The following MOCS1 variants were observed in gnomAD, a reference collection of about 807,000 sequenced individuals.
MOCS1 encodes molybdenum cofactor biosynthesis protein 1.
In MOCS1, 39 loss-of-function variants were observed where a neutral mutation model predicts 57.6. The ratio of observed to expected loss-of-function variants is 0.68; its 90% CI spans 0.52 to 0.88. The LOEUF is 0.88. MOCS1 is among the 40% of genes least tolerant of loss of function. MOCS1 has a pLI of 0.00. For missense variants in MOCS1, 795 were observed against 831.1 expected (o/e 0.96, Z 0.53); for synonymous variants, 334 against 335.7 (o/e 1.00, Z 0.05).
intron 8 of MOCS1, 85 bp from the exon 9 acceptor site, chr6:39,910,040 C>G (rs999809634): frequency 6.3e-7 from 1 of 1,592,360 alleles, no homozygotes; most frequent in African/African-American, 1.3e-5. Flanking sequence ...TTCCCTGGTT[C>G]TCCCTCCGGG....
intron 1 of MOCS1, among the ~76,000 whole-genome samples, chr6:39,929,997 G>C (rs116298260): frequency 1.3e-5 from 2 of 151,110 alleles, no homozygotes; most frequent in Non-Finnish European, 2.9e-5. Context: ...CAATGGGAGA[G>C]GCTGGTCAGA....
At position 39,907,960 on chromosome 6, in the gene MOCS1, C is replaced by T. The variant is rs1767059728; in HGVS notation, c.1151-843G>A. 2.6e-5 allele frequency among the ~76,000 whole-genome samples: 4 copies of T among 152,384 alleles called. No homozygotes were observed. The South Asian group carries it at 8.3e-4, about 32-fold the overall frequency. On this transcript the variant is annotated intron_variant, in intron 10 of 10. Transcript: ENST00000340692. ...AGGCAAATGCTCCCCCAGCTTCCCACTTCGCATCATACTCTAAGCCCCAGA... is the reference window on the plus strand; with the variant it reads ...AGGCAAATGCTCCCCCAGCTTCCCATTTCGCATCATACTCTAAGCCCCAGA...
At chr6:39,912,870 C>T in intron 7 of MOCS1, 22 bp downstream of exon 7, 1 of 1,599,224 alleles carries the variant, frequency 6.3e-7, no homozygotes, top group Non-Finnish European at 8.6e-7. Context: ...CAGGCCTGCC[C>T]CACACCCTCC....
intron 3 of MOCS1, among the ~76,000 whole-genome samples, chr6:39,917,763 T>C (rs1767743838): frequency 6.6e-6 from 1 of 152,188 alleles, no homozygotes; most frequent in Non-Finnish European, 1.5e-5. Context: ...GGGATAAATA[T>C]TCAATCTTGA....
At chr6:39,931,592 T>C (rs1197138043) in intron 1 of MOCS1, among the ~76,000 whole-genome samples, 2 of 152,038 alleles carry the variant, frequency 1.3e-5, no homozygotes, top group Admixed American at 6.6e-5. Context: ...CGCTGAAACA[T>C]GGATTTTGAG....
chr6:39,907,049 C>T lies in MOCS1; in HGVS notation c.1219G>A (p.Val407Ile). Residue 407 changes from valine (V) to isoleucine (I), a missense_variant, in exon 11 of 11, where the codon GTT becomes ATT. Physicochemically the swap from Val to Ile is conservative, Grantham distance 29. Coordinates refer to ENST00000340692, the MANE Select transcript of MOCS1 (RefSeq NM_001358530.2). ...PSIFSWDPLH[V>I]QGLRPRMSFS... The stretch of plus-strand genomic sequence containing the variant: ...CTCATTCTGGGTCTTAGACCCTGAA[C>T]ATGGAGCGGGTCCCAGGAGAAAATG... 3 of 1,613,570 alleles carry T rather than the reference C, an allele frequency of 1.9e-6. No individual in the cohort carries two copies. Among genetic ancestry groups the T allele is most frequent in the Non-Finnish European group, 2.5e-6 (3 of 1,179,608 alleles).
chr6:39,929,829 C>T (rs1323860682), intron 1 of MOCS1, among the ~76,000 whole-genome samples: 1 of 150,944 alleles, frequency 6.6e-6, no homozygotes, highest in East Asian at 2.0e-4. Context: ...GTAATCCCAG[C>T]TACTCGGGAG....
At chr6:39,918,404 CA>C (rs1767779908) in intron 3 of MOCS1, among the ~76,000 whole-genome samples, 1 of 152,220 alleles carries the variant, frequency 6.6e-6, no homozygotes, top group African/African-American at 2.4e-5. Context: ...AGAATAAAAT[CA>C]TATAATCTTT....
At position 39,912,983 on chromosome 6, in the gene MOCS1, T is replaced by C. The variant is rs763293088; in HGVS notation, c.779A>G (p.Lys260Arg). The C allele has an allele frequency of 1.2e-6, 2 of 1,614,168 alleles. No individual in the cohort carries two copies. Among genetic ancestry groups the C allele is most frequent in the Non-Finnish European group, 1.7e-6 (2 of 1,180,028 alleles). ...PFDGNKWNFK[K>R]MVSYKEMLDT... ...TAGCATCTCCTTATAGCTGACCATCTTCTTGAAGTTCCACTTGTTGCCTGT... is the reference window on the plus strand; with the variant it reads ...TAGCATCTCCTTATAGCTGACCATCCTCTTGAAGTTCCACTTGTTGCCTGT... Residue 260 changes from lysine (K) to arginine (R), a missense_variant, in exon 7 of 11, where the codon AAG (lysine) becomes AGG (arginine). Lys to Arg is a conservative substitution (Grantham distance 26, BLOSUM62 2). Transcript: ENST00000340692.
chr6:39,928,413 C>T (rs1768461021), intron 1 of MOCS1, among the ~76,000 whole-genome samples: 1 of 152,176 alleles, frequency 6.6e-6, no homozygotes, highest in South Asian at 2.1e-4. Flanking sequence ...ATCCACCTGC[C>T]TTGGCCCCCC....
intron 8 of MOCS1, among the ~76,000 whole-genome samples, chr6:39,910,508 A>G (rs1341437465): frequency 2.0e-5 from 3 of 152,144 alleles, no homozygotes; most frequent in Non-Finnish European, 4.4e-5. Context: ...ACTTCACTCA[A>G]TGCTTCTCAG....
At position 39,912,319 on chromosome 6, in the gene MOCS1, T is replaced by C. The variant is rs758233425; in HGVS notation, c.926A>G (p.Glu309Gly). The C allele has an allele frequency of 1.2e-5, 20 of 1,613,888 alleles. No homozygotes were observed. Among genetic ancestry groups the C allele is most frequent in the Non-Finnish European group, 1.7e-5 (20 of 1,180,020 alleles). The change falls in exon 8 of 11, where the codon GAG becomes GGG. Residue 309 changes from glutamate (E) to glycine (G), a missense_variant. Physicochemically the swap from Glu to Gly is moderately conservative, Grantham distance 98. Around this residue, in one of 3 missense-constraint regions of MOCS1, gnomAD observed 374 missense variants for 422.6 expected, o/e 0.89. Transcript: ENST00000340692. ...GCGGTTGCAGGTCCCACAGAAATGCTCAGACATGGATGTGATGAAGCTGAT... is the reference window on the plus strand; with the variant it reads ...GCGGTTGCAGGTCCCACAGAAATGCCCAGACATGGATGTGATGAAGCTGAT... ...GQISFITSMS[E>G]HFCGTCNRLR...
At position 39,916,162 on chromosome 6, in the gene MOCS1, T is replaced by C; in HGVS notation, c.489A>G (p.Leu163=). ...VTTNGINLAR[L]LPQLQKAGLS... ...GACCAGCCTTCTGAAGCTGGGGCAG[T>C]AGCCGGGCCAGGTTGATGCCATTGG... The change falls in exon 4 of 11, where the codon CTA becomes CTG. Residue 163 remains leucine (L), a synonymous_variant. Coordinates refer to ENST00000340692, the MANE Select transcript of MOCS1 (RefSeq NM_001358530.2). The C allele has an allele frequency of 6.2e-7, 1 of 1,614,030 alleles. No individual in the cohort carries two copies. Among genetic ancestry groups the C allele is most frequent in the East Asian group, 2.2e-5 (1 of 44,874 alleles).
rs761857638 is a variant in MOCS1, at chr6:39,934,270, G to T, written c.123+25C>A. 38 of 1,530,264 alleles carry T rather than the reference G, an allele frequency of 2.5e-5. No homozygotes were observed. The African/African-American group carries it at 4.2e-4, about 17-fold the overall frequency. The allele number at this position is 1,530,264 out of a possible 1,614,324, so 94.8% of individuals were successfully genotyped here. A position where few individuals can be genotyped will look rare whatever the true frequency, so the allele number is the denominator to read the frequency against. On this transcript the variant is annotated intron_variant, in intron 1 of 10. Coordinates refer to ENST00000340692, the MANE Select transcript of MOCS1 (RefSeq NM_001358530.2). ...GGGGCCACTCCTGCCCCGGGAAGCT[G>T]TGGACGCAGGCGGGGTGGGCTCACC... is the stretch of plus-strand genomic sequence containing the variant.
rs770756364 is a variant in MOCS1 at position 39,927,404 on chromosome 6, C to A, written c.175G>T (p.Ala59Ser). The A allele has an allele frequency of 1.9e-6, 3 of 1,612,772 alleles. No individual in the cohort carries two copies. The highest frequency in any genetic ancestry group is 2.5e-6 in the Non-Finnish European group (3 of 1,179,884). Residue 59 changes from alanine to serine, a missense_variant, in exon 2 of 11, where the codon GCC (alanine) becomes TCC (serine). By Grantham distance (99) the Ala-to-Ser change is moderately conservative. Coordinates refer to ENST00000340692, the MANE Select transcript of MOCS1 (RefSeq NM_001358530.2). ...CGGCCGAAGCTGTCTGTGAGGAAGG[C>A]GGAGAAGGGGGCCGCATGCTCCCGC... is the stretch of plus-strand genomic sequence containing the variant. ...FLREHAAPFS[A>S]FLTDSFGRQH... is the part of the protein sequence containing the mutation.
At chr6:39,912,748 T>G (rs937967397) in intron 7 of MOCS1, 144 bp downstream of exon 7, 45 of 771,532 alleles carry the variant, frequency 5.8e-5, no homozygotes, top group Middle Eastern at 3.5e-4. Flanking sequence ...GAGGTGGTTG[T>G]GATAGCACTG....
Position 39,905,046 on chromosome 6 carries a change from C to T in MOCS1, c.*1311G>A, listed in dbSNP as rs1562077714. ...ATTCAACATGGGAGTATTTATATCA[C>T]AAATTGTCTTTTCCAGAGAGCTGGT... On this transcript the variant is annotated 3_prime_UTR_variant, in exon 11 of 11. Coordinates refer to ENST00000340692, the MANE Select transcript of MOCS1 (RefSeq NM_001358530.2). The T allele has an allele frequency of 2.2e-6, 1 of 454,086 alleles. No individual in the cohort carries two copies. The highest frequency in any genetic ancestry group is 4.4e-6 in the Non-Finnish European group (1 of 226,800). The allele number at this position is 454,086 out of a possible 1,614,324, so 28.1% of individuals were successfully genotyped here.
chr6:39,916,861 G>A (rs1172897199), intron 3 of MOCS1, among the ~76,000 whole-genome samples: 1 of 152,200 alleles, frequency 6.6e-6, no homozygotes, highest in East Asian at 1.9e-4. Flanking sequence ...ACAGCTCAAA[G>A]TGCACCCAGG....
chr6:39,918,264 G>C (rs1407264606), intron 3 of MOCS1, among the ~76,000 whole-genome samples: 1 of 152,208 alleles, frequency 6.6e-6, no homozygotes, highest in East Asian at 1.9e-4. Context: ...ACCCAGCTCA[G>C]CGCTGCAAGA....
Sources: gnomAD v4.1 joint callset for allele counts (sites outside exome capture counted in the v4.1 genomes callset) on GRCh38, gnomAD v4.1.1 for gene constraint, gnomAD v4.1.1 regional missense constraint, MANE v1.5 for transcripts, NCBI Gene and HGNC (gene_info 2026-07-23, HGNC 2026-07-21) for gene names.